VTI1A: variants seen among roughly 807,000 people sequenced by gnomAD.
VTI1A encodes vesicle transport through interaction with t-SNAREs 1A.
In VTI1A, 22 loss-of-function variants were observed where a neutral mutation model predicts 34.9. That is an observed-to-expected ratio of 0.63 (90% CI 0.45 to 0.90). The LOEUF is 0.90. VTI1A is among the 40% of genes least tolerant of loss of function. VTI1A has a pLI of 0.00. For missense variants in VTI1A, 268 were observed against 275.6 expected (o/e 0.97, Z 0.20); for synonymous variants, 87 against 97.3 (o/e 0.89, Z 0.62).
intron 5 of VTI1A, among the ~76,000 whole-genome samples, chr10:112,667,714 A>G (rs1388070779): frequency 6.6e-6 from 1 of 152,156 alleles, no homozygotes; most frequent in Non-Finnish European, 1.5e-5. Context: ...AAGCCTAGAG[A>G]TAGTTCACTA....
At chr10:112,527,344 A>C in intron 4 of VTI1A, 180 bp downstream of exon 4, 1 of 480,314 alleles carries the variant, frequency 2.1e-6, no homozygotes, top group Non-Finnish European at 3.7e-6. Context: ...TCTTACATTT[A>C]ACCCTTTACC....
At chr10:112,625,246 A>G (rs139635127) in intron 5 of VTI1A, among the ~76,000 whole-genome samples, 381 of 152,388 alleles carry the variant, frequency 2.5e-3, no homozygotes, top group African/African-American at 8.3e-3. Flanking sequence ...GCCATTACAT[A>G]TGGAAGCACG....
the VTI1A span, among the ~76,000 whole-genome samples, chr10:112,846,512 A>G: frequency 6.6e-6 from 1 of 152,328 alleles, no homozygotes; most frequent in Non-Finnish European, 1.5e-5. Flanking sequence ...CACGCCTGTA[A>G]TCCCAGCACT....
intron 7 of VTI1A, among the ~76,000 whole-genome samples, chr10:112,785,006 C>T (rs1590182135): frequency 3.3e-5 from 5 of 152,216 alleles, no homozygotes; most frequent in Admixed American, 3.3e-4. Flanking sequence ...TGGCAAAACT[C>T]AAGATGTAGG....
rs575228132 is a variant in VTI1A, at chr10:112,492,391, G to A, written c.264+27734G>A. 2.0e-5 allele frequency among the ~76,000 whole-genome samples: 3 copies of A among 152,246 alleles called. No individual in the cohort carries two copies. In the South Asian group the frequency reaches 6.2e-4, roughly 32 times the overall value. ...TCTTTTACACTCAGAAATTCTGCGC[G>A]GTATATCATTGCAATTGCCGCAGTC... On this transcript the variant is annotated intron_variant, in intron 3 of 7. Transcript: ENST00000393077.
chr10:112,545,751 T>G (rs556758005), intron 5 of VTI1A, among the ~76,000 whole-genome samples: 12 of 152,342 alleles, frequency 7.9e-5, no homozygotes, highest in African/African-American at 2.9e-4. Context: ...AGTTAAATGC[T>G]TACTTTCCAG....
chr10:112,491,231 A>G (rs981294802), intron 3 of VTI1A, among the ~76,000 whole-genome samples: 4 of 152,320 alleles, frequency 2.6e-5, no homozygotes, highest in Non-Finnish European at 4.4e-5. Flanking sequence ...TAAACATTCT[A>G]TTTTGAGAGG....
At chr10:112,510,092 A>G (rs373977362) in intron 3 of VTI1A, among the ~76,000 whole-genome samples, 4 of 152,242 alleles carry the variant, frequency 2.6e-5, no homozygotes, top group East Asian at 3.8e-4. Flanking sequence ...TAGACAGATC[A>G]GCAATATCTT....
At chr10:112,828,642 T>C in the VTI1A span, among the ~76,000 whole-genome samples, 2 of 151,858 alleles carry the variant, frequency 1.3e-5, no homozygotes, top group Non-Finnish European at 2.9e-5. Flanking sequence ...CCTGACCTCA[T>C]GATCAACCCG....
intron 7 of VTI1A, chr10:112,752,613 C>T: frequency 4.1e-6 from 4 of 983,162 alleles, no homozygotes; most frequent in Non-Finnish European, 4.8e-6. Flanking sequence ...GCTGTGGCTG[C>T]CAGGGTTTTT....
At chr10:112,803,841 T>C (rs1409880570) in intron 7 of VTI1A, among the ~76,000 whole-genome samples, 2 of 152,228 alleles carry the variant, frequency 1.3e-5, no homozygotes, top group African/African-American at 4.8e-5. Flanking sequence ...TCTACAGACC[T>C]GTGAGGAGTT....
At chr10:112,698,571 AAAT>A (rs2133894619) in intron 7 of VTI1A, among the ~76,000 whole-genome samples, 1 of 152,352 alleles carries the variant, frequency 6.6e-6, no homozygotes, top group African/African-American at 2.4e-5. Context: ...ATTAGGGAGA[AAAT>A]AATTTAAGCC....
At chr10:112,632,041 T>A (rs1031690134) in intron 5 of VTI1A, among the ~76,000 whole-genome samples, 3 of 152,210 alleles carry the variant, frequency 2.0e-5, no homozygotes, top group Admixed American at 2.0e-4. Context: ...ATATACAACT[T>A]GGCCAGCCAT....
intron 7 of VTI1A, among the ~76,000 whole-genome samples, chr10:112,714,903 A>T (rs560709381): frequency 6.6e-6 from 1 of 152,354 alleles, no homozygotes; most frequent in East Asian, 1.9e-4. Context: ...ATCTTCCATG[A>T]TGTGCACCGT....
intron 7 of VTI1A, among the ~76,000 whole-genome samples, chr10:112,771,990 G>T (rs1187951812): frequency 6.6e-6 from 1 of 152,120 alleles, no homozygotes; most frequent in African/African-American, 2.4e-5. Flanking sequence ...CTGCCTTTTG[G>T]CTATGTGAAT....
chr10:112,508,131 T>G (rs550397111), intron 3 of VTI1A, among the ~76,000 whole-genome samples: 1 of 152,328 alleles, frequency 6.6e-6, no homozygotes, highest in Admixed American at 6.5e-5. Flanking sequence ...TAGCCCTGCC[T>G]CTTCTGCTTC....
chr10:112,536,603 A>G (rs1850624297), intron 4 of VTI1A, among the ~76,000 whole-genome samples: 1 of 150,734 alleles, frequency 6.6e-6, no homozygotes, highest in Non-Finnish European at 1.5e-5. Flanking sequence ...TTTTTTGCAG[A>G]GGGAGGGGAC....
At chr10:112,763,704 C>T (rs1851557339) in intron 7 of VTI1A, among the ~76,000 whole-genome samples, 1 of 152,122 alleles carries the variant, frequency 6.6e-6, no homozygotes, top group African/African-American at 2.4e-5. Flanking sequence ...TTGATATAAG[C>T]TCTCTTGGTT....
chr10:112,583,087 T>C (rs1029206634), intron 5 of VTI1A, among the ~76,000 whole-genome samples: 5 of 152,110 alleles, frequency 3.3e-5, no homozygotes, highest in African/African-American at 9.7e-5. Flanking sequence ...GGGCATCTTA[T>C]AGAGATAAAG....
Sources: allele counts gnomAD v4.1 joint callset (sites outside exome capture counted in the v4.1 genomes callset), GRCh38; gene constraint gnomAD v4.1.1; transcripts MANE v1.5; gene names NCBI Gene and HGNC (gene_info 2026-07-23, HGNC 2026-07-21).